The following CUBN variants were observed in gnomAD, a reference collection of about 807,000 sequenced individuals.
CUBN encodes the protein 460 kDa receptor.
Under a neutral mutation model 405.3 loss-of-function variants are expected in CUBN, and 282 were observed. That is an observed-to-expected ratio of 0.70 (90% confidence interval 0.63 to 0.77). The LOEUF is 0.77. Ranked by LOEUF, CUBN falls within the 30% of genes least tolerant of loss-of-function variation. The pLI is 0.00. For missense variants in CUBN, 4,514 were observed against 4,475.2 expected (o/e 1.01, Z -0.25); for synonymous variants, 1,684 against 1,617.0 (o/e 1.04, Z -0.99).
chr10:17,075,073 C>CT (rs957929670), intron 17 of CUBN, among the ~76,000 whole-genome samples: 3,161 of 65,350 alleles, frequency 0.048, 330 homozygotes, highest in South Asian at 0.091. Context: ...TCTTTGTTTT[C>CT]TTTTTTTTTT....
At chr10:17,041,549 T>C (rs115954561) in intron 26 of CUBN, among the ~76,000 whole-genome samples, 1,746 of 152,118 alleles carry the variant, frequency 0.011, 38 homozygotes, top group African/African-American at 0.04. Flanking sequence ...CAGAATAACT[T>C]GGTTATATTC....
intron 56 of CUBN, among the ~76,000 whole-genome samples, chr10:16,884,125 G>A (rs918344545): frequency 2.2e-4 from 33 of 152,160 alleles, no homozygotes; most frequent in African/African-American, 7.2e-4. Flanking sequence ...GACTACAGGG[G>A]CCCGCCACCA....
intron 28 of CUBN, among the ~76,000 whole-genome samples, chr10:17,014,658 G>C (rs1170302254): frequency 1.3e-5 from 2 of 152,208 alleles, no homozygotes; most frequent in African/African-American, 4.8e-5. Flanking sequence ...TGATTAGCTA[G>C]AAATTTCAAG....
intron 29 of CUBN, among the ~76,000 whole-genome samples, chr10:16,988,004 C>A (rs1432252227): frequency 6.6e-6 from 1 of 152,186 alleles, no homozygotes; most frequent in Non-Finnish European, 1.5e-5. Flanking sequence ...CGTCTTCTCA[C>A]AGCCATTTCT....
At chr10:16,890,180 A>G (rs1840961686) in intron 55 of CUBN, among the ~76,000 whole-genome samples, 191 bp downstream of exon 55, 1 of 152,100 alleles carries the variant, frequency 6.6e-6, no homozygotes, top group South Asian at 2.1e-4. Flanking sequence ...CATGGCTTTT[A>G]TATCACTTCT....
intron 6 of CUBN, among the ~76,000 whole-genome samples, chr10:17,119,320 T>C (rs575802609): frequency 6.6e-6 from 1 of 152,268 alleles, no homozygotes; most frequent in Admixed American, 6.5e-5. Context: ...ACACACACCA[T>C]CCATGCATGG....
Position 16,901,477 on chromosome 10 carries a change from A to G in CUBN, c.8063-18T>C, listed in dbSNP as rs764108392. 5 of 1,613,962 alleles carry G rather than the reference A, an allele frequency of 3.1e-6. No homozygotes were observed. Among genetic ancestry groups the G allele is most frequent in the Middle Eastern group, 1.7e-4 (1 of 6,058 alleles). ...GCCACAATCTGAAATGAGATTGGTA[A>G]CCCTCTCAATAAAACAGAAGTAAAA... On this transcript the variant is annotated intron_variant, in intron 51 of 66. Transcript: ENST00000377833.
intron 31 of CUBN, among the ~76,000 whole-genome samples, chr10:16,972,551 C>T (rs1204780942): frequency 6.6e-6 from 1 of 151,942 alleles, no homozygotes; most frequent in East Asian, 1.9e-4. Context: ...CATCCTCCCA[C>T]CTCAACCTCC....
intron 10 of CUBN, among the ~76,000 whole-genome samples, chr10:17,107,696 A>C (rs2131304938): frequency 6.6e-6 from 1 of 152,014 alleles, no homozygotes; most frequent in East Asian, 1.9e-4. Flanking sequence ...ACGGGGTTTC[A>C]CCATGTTGGC....
At chr10:17,122,666 A>T in intron 6 of CUBN, 129 bp downstream of exon 6, 1 of 697,074 alleles carries the variant, frequency 1.4e-6, no homozygotes, top group Non-Finnish European at 2.6e-6. Flanking sequence ...AGCAAGAGCT[A>T]AATATTTCCT....
chr10:17,126,602 T>C (rs1281669231), intron 4 of CUBN, among the ~76,000 whole-genome samples, 159 bp downstream of exon 4: 1 of 152,198 alleles, frequency 6.6e-6, no homozygotes, highest in African/African-American at 2.4e-5. Flanking sequence ...TGCATCTGCA[T>C]CCTGGGAAGC....
intron 36 of CUBN, among the ~76,000 whole-genome samples, chr10:16,941,317 A>C (rs894910417): frequency 6.6e-6 from 1 of 152,156 alleles, no homozygotes; most frequent in Non-Finnish European, 1.5e-5. Context: ...GAGAGGAAAA[A>C]AAGAACCTCT....
chr10:16,892,537 G>C (rs568415121), intron 54 of CUBN, among the ~76,000 whole-genome samples: 10 of 151,946 alleles, frequency 6.6e-5, no homozygotes, highest in Admixed American at 2.6e-4. Flanking sequence ...TCTCACTCAG[G>C]CTGGAGCGCA....
At chr10:16,960,840 G>C (rs952828065) in intron 31 of CUBN, among the ~76,000 whole-genome samples, 4 of 152,040 alleles carry the variant, frequency 2.6e-5, no homozygotes, top group African/African-American at 4.8e-5. Context: ...AGAATGAAGG[G>C]GCCCAACCAC....
intron 13 of CUBN, among the ~76,000 whole-genome samples, chr10:17,102,007 C>G (rs1300708963): frequency 3.3e-5 from 5 of 152,084 alleles, no homozygotes; most frequent in Non-Finnish European, 7.4e-5. Flanking sequence ...CAATAATCAA[C>G]ATAAAACTAA....
intron 31 of CUBN, among the ~76,000 whole-genome samples, chr10:16,960,132 T>G (rs1486468982): frequency 6.6e-6 from 1 of 152,238 alleles, no homozygotes; most frequent in African/African-American, 2.4e-5. Context: ...TACAGAAAAG[T>G]TGACCAGTCT....
intron 13 of CUBN, among the ~76,000 whole-genome samples, chr10:17,101,274 GA>G (rs1269609242): frequency 2.6e-5 from 4 of 151,670 alleles, no homozygotes; most frequent in Non-Finnish European, 4.4e-5. Flanking sequence ...CAATAATCAA[GA>G]AAAAAACAAG....
chr10:16,892,940 A>T (rs2796838), intron 54 of CUBN, among the ~76,000 whole-genome samples: 109,625 of 152,108 alleles, frequency 0.72, 40,173 homozygotes, highest in East Asian at 0.85. Context: ...AGATTCGACA[A>T]CTCTACCTTT....
intron 66 of CUBN, among the ~76,000 whole-genome samples, chr10:16,826,248 T>A (rs1838777318): frequency 6.6e-6 from 1 of 152,184 alleles, no homozygotes; most frequent in African/African-American, 2.4e-5. Context: ...ATGTACACTG[T>A]ATGTATTTAA....
Sources: gnomAD v4.1 joint callset for allele counts (sites outside exome capture counted in the v4.1 genomes callset) on GRCh38, gnomAD v4.1.1 for gene constraint, MANE v1.5 for transcripts, NCBI Gene and HGNC (gene_info 2026-07-23, HGNC 2026-07-21) for gene names.